Variants in POLQ observed in about 807,000 individuals in gnomAD.
POLQ encodes DNA polymerase theta, also known as epididymis secretory sperm binding protein.
A neutral mutation model predicts 259.2 loss-of-function variants in POLQ; 233 were observed. The ratio of observed to expected loss-of-function variants is 0.90; its 90% confidence interval spans 0.81 to 1.00. POLQ has a LOEUF of 1.00. Among genes scored for constraint, POLQ ranks in the 50% least tolerant of loss-of-function variants. The pLI is 0.00. For synonymous variants in POLQ, 1,025 were observed against 1,048.8 expected, an observed-to-expected ratio of 0.98 and a Z score of 0.44; for missense variants, 2,871 against 3,051.6, an observed-to-expected ratio of 0.94 and a Z score of 1.39.
intron 14 of POLQ, chr3:121,494,523 G>T (rs1220833273): frequency 6.4e-7 from 1 of 1,574,492 alleles, no homozygotes; most frequent in Non-Finnish European, 8.7e-7. Flanking sequence ...CTTCGAACAG[G>T]AGTTAACACC....
At chr3:121,516,016 A>C (rs1358730448) in intron 9 of POLQ, among the ~76,000 whole-genome samples, 1 of 152,026 alleles carries the variant, frequency 6.6e-6, no homozygotes, top group East Asian at 1.9e-4. Context: ...AGAGATGAAG[A>C]GTACAATGAG....
At chr3:121,438,948 C>T (rs1192103583) in intron 27 of POLQ, among the ~76,000 whole-genome samples, 2 of 152,092 alleles carry the variant, frequency 1.3e-5, no homozygotes, top group Non-Finnish European at 2.9e-5. Context: ...GAGCTCCAGA[C>T]AGAAGTTTAG....
intron 19 of POLQ, among the ~76,000 whole-genome samples, chr3:121,479,017 G>GT (rs2047949697): frequency 1.3e-5 from 2 of 152,104 alleles, no homozygotes; most frequent in South Asian, 4.1e-4. Context: ...AACAGCTCAG[G>GT]TTTTAGATAA....
In POLQ at chr3:121,533,998, T is replaced by C. The variant is rs536041686; in HGVS notation, c.741-789A>G. On this transcript the variant is annotated intron_variant, in intron 5 of 29. Coordinates refer to ENST00000264233, the MANE Select transcript of POLQ (RefSeq NM_199420.4). ...TTCCTGCCATTCTCCTGCCTCAGCC[T>C]CCCGAGTAGCTGGGACTACAGGCGC... Among the ~76,000 whole-genome samples, 28 of 141,860 alleles carry C rather than the reference T, an allele frequency of 2.0e-4. No homozygotes were observed. The South Asian group carries it at 6.1e-3, about 31-fold the overall frequency. 93.1% of individuals were successfully genotyped at this position (141,860 alleles called of 152,430 possible). A position where few individuals can be genotyped will look rare whatever the true frequency, so the allele number is the denominator to read the frequency against.
intron 25 of POLQ, among the ~76,000 whole-genome samples, chr3:121,456,814 T>C (rs2047743085): frequency 6.6e-6 from 1 of 152,194 alleles, no homozygotes; most frequent in Non-Finnish European, 1.5e-5. Flanking sequence ...CTGCCCAAGG[T>C]AATTTGTAGA....
intron 5 of POLQ, among the ~76,000 whole-genome samples, chr3:121,536,438 G>C (rs2048451459): frequency 6.6e-6 from 1 of 152,070 alleles, no homozygotes; most frequent in Non-Finnish European, 1.5e-5. Context: ...AGCTAGAAGA[G>C]TTGAAAGGTA....
chr3:121,521,095 C>T (rs1007874004), intron 8 of POLQ, among the ~76,000 whole-genome samples: 35 of 151,880 alleles, frequency 2.3e-4, no homozygotes, highest in African/African-American at 8.5e-4. Flanking sequence ...AGTAGTTTTC[C>T]CCCATCTGTG....
At position 121,473,942 on chromosome 3, in the gene POLQ, G is replaced by T. The variant is rs2047905682; in HGVS notation, c.6406-455C>A. 2.0e-5 allele frequency among the ~76,000 whole-genome samples: 3 copies of T among 152,026 alleles called. No individual in the cohort carries two copies. In the South Asian group the frequency reaches 6.2e-4, roughly 32 times the overall value. ...GGATTTCGCCATGTTGGCCAGGGTG[G>T]TCTCAAACTCCTAAGCTCAAGCAAC... On this transcript the variant is annotated intron_variant, in intron 20 of 29. Coordinates refer to ENST00000264233, the MANE Select transcript of POLQ (RefSeq NM_199420.4).
intron 4 of POLQ, 83 bp downstream of exon 4, chr3:121,539,350 G>C: frequency 1.9e-6 from 2 of 1,054,226 alleles, no homozygotes; most frequent in Non-Finnish European, 2.8e-6. Context: ...AAACAAATGG[G>C]ACCTAGAGAA....
At chr3:121,437,268 G>C (rs113679172) in intron 27 of POLQ, among the ~76,000 whole-genome samples, 2,627 of 152,132 alleles carry the variant, frequency 0.017, 68 homozygotes, top group African/African-American at 0.059. Context: ...TGGGAGAAAA[G>C]GCCAGACACA....
At chr3:121,495,640 C>T (rs1353217628) in intron 14 of POLQ, among the ~76,000 whole-genome samples, 2 of 151,278 alleles carry the variant, frequency 1.3e-5, no homozygotes, top group East Asian at 2.0e-4. Context: ...GTCAGGAGAT[C>T]GAGACCATCC....
At chr3:121,520,908 T>C (rs761210194) in intron 8 of POLQ, among the ~76,000 whole-genome samples, 1 of 152,116 alleles carries the variant, frequency 6.6e-6, no homozygotes, top group Non-Finnish European at 1.5e-5. Flanking sequence ...AACAAAAACA[T>C]GAGTAAATGA....
chr3:121,460,077 C>T lies in POLQ; in HGVS notation c.7125G>A (p.Gly2375=). The change falls in exon 25 of 30, where the codon GGG becomes GGA. Residue 2375 remains glycine (G), a synonymous_variant. Coordinates refer to ENST00000264233, the MANE Select transcript of POLQ (RefSeq NM_199420.4). ...GTTTTGCCTGCTGCCTCAGATCATC[C>T]CCAACAGACTCTGGCTCAATCATCT... The part of the protein sequence containing the change: ...EWKMIEPESV[G]DDLRQQAKQI... The T allele has an allele frequency of 6.2e-7, 1 of 1,613,928 alleles. No individual in the cohort carries two copies. The highest frequency in any genetic ancestry group is 8.5e-7 in the Non-Finnish European group (1 of 1,179,898).
chr3:121,490,007 T>C lies in POLQ; in HGVS notation c.2924A>G (p.Asn975Ser). Residue 975 changes from asparagine (N) to serine (S), a missense_variant, in exon 16 of 30, where the codon AAT (asparagine) becomes AGT (serine). Physicochemically the swap from Asn to Ser is conservative, Grantham distance 46 (BLOSUM62 1). Transcript: ENST00000264233. ...ACATGTCTGATGTTCTTGATTCCCA[T>C]TCTGGAAATTACAATTAAAGGAACT... Reference protein sequence around the residue: ...HTSSFNCNFQNGNQEHQTCSI... With the variant: ...HTSSFNCNFQSGNQEHQTCSI... 5 of 1,579,516 alleles carry C rather than the reference T, an allele frequency of 3.2e-6. No homozygotes were observed. Among genetic ancestry groups the C allele is most frequent in the Non-Finnish European group, 4.3e-6 (5 of 1,169,790 alleles).
At chr3:121,444,864 T>C (rs2047620070) in intron 26 of POLQ, among the ~76,000 whole-genome samples, 1 of 152,170 alleles carries the variant, frequency 6.6e-6, no homozygotes, top group Non-Finnish European at 1.5e-5. Flanking sequence ...ATGATATTGT[T>C]TTTATCCTTC....
At chr3:121,452,303 C>T (rs190570455) in intron 25 of POLQ, among the ~76,000 whole-genome samples, 2 of 152,224 alleles carry the variant, frequency 1.3e-5, no homozygotes, top group Admixed American at 1.3e-4. Flanking sequence ...CCAACAAGCC[C>T]CAGTGAGATG....
At chr3:121,531,157 AG>A (rs1048999449) in intron 6 of POLQ, among the ~76,000 whole-genome samples, 22 of 152,310 alleles carry the variant, frequency 1.4e-4, no homozygotes, top group African/African-American at 5.1e-4. Flanking sequence ...ATTGCACTCC[AG>A]CCTGGGCAAC....
chr3:121,454,373 C>G (rs2047710933), intron 25 of POLQ, among the ~76,000 whole-genome samples: 1 of 152,196 alleles, frequency 6.6e-6, no homozygotes, highest in African/African-American at 2.4e-5. Context: ...ATCAAATTCA[C>G]ACATAACAAT....
chr3:121,525,060 A>G (rs2048363261), intron 7 of POLQ, among the ~76,000 whole-genome samples: 2 of 152,060 alleles, frequency 1.3e-5, no homozygotes, highest in Admixed American at 1.3e-4. Context: ...AAAGTTAACT[A>G]CTAATAGGTG....
Sources: gnomAD v4.1 joint callset for allele counts (sites outside exome capture counted in the v4.1 genomes callset) on GRCh38, gnomAD v4.1.1 for gene constraint, MANE v1.5 for transcripts, NCBI Gene and HGNC (gene_info 2026-07-23, HGNC 2026-07-21) for gene names.